CTNND2: variants seen among roughly 807,000 people sequenced by gnomAD.
The protein encoded by CTNND2 is catenin delta-2.
In CTNND2, 22 loss-of-function variants were observed where a neutral mutation model predicts 144.4. That is an observed-to-expected ratio of 0.15 (90% CI 0.11 to 0.22). The LOEUF (loss-of-function observed/expected upper bound fraction) is 0.22. CTNND2 is among the 10% of genes least tolerant of loss of function. The pLI, the probability that CTNND2 is intolerant of heterozygous loss-of-function variation, is 1.00. For synonymous variants in CTNND2, 751 were observed against 695.6 expected (o/e 1.08, Z -1.25); for missense variants, 1,353 against 1,618.8 (o/e 0.84, Z 2.82).
At chr5:11,630,012 T>C (rs1015684844) in intron 2 of CTNND2, among the ~76,000 whole-genome samples, 2 of 152,208 alleles carry the variant, frequency 1.3e-5, no homozygotes, top group East Asian at 1.9e-4. Flanking sequence ...GCATATTTAA[T>C]ATATGTTTCT....
chr5:11,083,648 A>C (rs61755759), intron 15 of CTNND2, among the ~76,000 whole-genome samples: 1 of 152,240 alleles, frequency 6.6e-6, no homozygotes, highest in Admixed American at 6.5e-5. Flanking sequence ...TGTATGATGT[A>C]TACTCTTCTA....
chr5:10,972,942 T>G lies in CTNND2; in HGVS notation c.*511A>C, dbSNP rs1735987985. ...CGCGCTTTTCTTCTTTAATCTGTAATGTACATCAAATACTTTACAACAATG... is the reference window on the plus strand; with the variant it reads ...CGCGCTTTTCTTCTTTAATCTGTAAGGTACATCAAATACTTTACAACAATG... On this transcript the variant is annotated 3_prime_UTR_variant, in exon 22 of 22. Transcript: ENST00000304623. 2 of 152,822 alleles carry G rather than the reference T, an allele frequency of 1.3e-5. No individual in the cohort carries two copies. Among genetic ancestry groups the G allele is most frequent in the Non-Finnish European group, 2.9e-5 (2 of 68,166 alleles). 9.5% of individuals were successfully genotyped at this position (152,822 alleles called of 1,614,324 possible). A position where few individuals can be genotyped will look rare whatever the true frequency, so the allele number is the denominator to read the frequency against.
intron 3 of CTNND2, among the ~76,000 whole-genome samples, chr5:11,549,690 A>C (rs1775593230): frequency 6.6e-6 from 1 of 152,190 alleles, no homozygotes; most frequent in Admixed American, 6.5e-5. Flanking sequence ...TTGGTAGTAG[A>C]ATATAGACCC....
intron 3 of CTNND2, among the ~76,000 whole-genome samples, chr5:11,466,034 G>A (rs956762956): frequency 6.6e-6 from 1 of 152,072 alleles, no homozygotes; most frequent in African/African-American, 2.4e-5. Flanking sequence ...GAAGAGGTGG[G>A]GTTTTCACTC....
chr5:11,568,477 C>A lies in CTNND2; in HGVS notation c.175-3421G>T, dbSNP rs377357231. Among the ~76,000 whole-genome samples, 3 of 152,282 alleles carry A rather than the reference C, an allele frequency of 2.0e-5. No homozygotes were observed. The East Asian group carries it at 5.8e-4, about 29-fold the overall frequency. On this transcript the variant is annotated intron_variant, in intron 2 of 21. Transcript: ENST00000304623. The stretch of plus-strand genomic sequence containing the variant: ...GCTAGGATCTGTCAAGATGTAACCA[C>A]CCTGAACTGGAATGGTATTCTCTTT...
intron 3 of CTNND2, among the ~76,000 whole-genome samples, chr5:11,447,596 A>G (rs758292516): frequency 6.6e-6 from 1 of 152,206 alleles, no homozygotes. Flanking sequence ...ATGGCCCTGG[A>G]GGCCACCTGC....
At chr5:11,546,422 G>T (rs1345330167) in intron 3 of CTNND2, among the ~76,000 whole-genome samples, 1 of 151,832 alleles carries the variant, frequency 6.6e-6, no homozygotes. Flanking sequence ...AACAAAAATT[G>T]TAAGATTTTT....
At position 11,049,825 on chromosome 5, in the gene CTNND2, G is replaced by T. The variant is rs112011366; in HGVS notation, c.2789-26846C>A. Among the ~76,000 whole-genome samples, 168 of 152,274 alleles carry T rather than the reference G, an allele frequency of 1.1e-3. 1 individual carries two copies. The highest frequency in any genetic ancestry group is 2.9e-3 in the African/African-American group (121 of 41,566). On this transcript the variant is annotated intron_variant, in intron 16 of 21. Coordinates refer to ENST00000304623, the MANE Select transcript of CTNND2 (RefSeq NM_001332.4). ...AAATATCTCACCATTTATACCTCCTGGGAGTTAGTAGTTTCATTTAAATAC... is the reference window on the plus strand; with the variant it reads ...AAATATCTCACCATTTATACCTCCTTGGAGTTAGTAGTTTCATTTAAATAC...
chr5:11,215,182 T>C (rs563402383), intron 10 of CTNND2, among the ~76,000 whole-genome samples: 12 of 152,324 alleles, frequency 7.9e-5, no homozygotes, highest in Non-Finnish European at 1.6e-4. Context: ...AGAAGTATCA[T>C]ATATCAAGCA....
At chr5:11,158,233 T>C (rs1019433466) in intron 12 of CTNND2, among the ~76,000 whole-genome samples, 2 of 152,112 alleles carry the variant, frequency 1.3e-5, no homozygotes, top group African/African-American at 4.8e-5. Flanking sequence ...CACTTTTAAA[T>C]AGTTGTGAAT....
At chr5:11,563,190 G>T (rs1474249663) in intron 3 of CTNND2, among the ~76,000 whole-genome samples, 1 of 152,186 alleles carries the variant, frequency 6.6e-6, no homozygotes, top group Non-Finnish European at 1.5e-5. Context: ...TCAGGGGCTG[G>T]AGTTGCATGA....
chr5:11,599,235 C>G (rs1027701561), intron 2 of CTNND2, among the ~76,000 whole-genome samples: 12 of 152,070 alleles, frequency 7.9e-5, no homozygotes, highest in African/African-American at 2.7e-4. Context: ...TCTAGAGCAA[C>G]ATCAAAAATG....
intron 2 of CTNND2, among the ~76,000 whole-genome samples, chr5:11,724,075 A>C (rs1786865584): frequency 6.6e-6 from 1 of 152,028 alleles, no homozygotes; most frequent in African/African-American, 2.4e-5. Flanking sequence ...AAAGTATTAC[A>C]GTTATGCAGT....
At chr5:11,337,269 C>T (rs1753827024) in intron 9 of CTNND2, among the ~76,000 whole-genome samples, 1 of 152,202 alleles carries the variant, frequency 6.6e-6, no homozygotes, top group Non-Finnish European at 1.5e-5. Flanking sequence ...CACTCTAATT[C>T]TCCATGAGAT....
At chr5:11,824,017 C>T (rs902910599) in intron 1 of CTNND2, among the ~76,000 whole-genome samples, 6 of 146,744 alleles carry the variant, frequency 4.1e-5, no homozygotes, top group Non-Finnish European at 5.9e-5. Flanking sequence ...GTAGGGGAAT[C>T]GCTTGAACCG....
At chr5:11,118,676 T>C (rs1753792952) in intron 12 of CTNND2, among the ~76,000 whole-genome samples, 1 of 152,182 alleles carries the variant, frequency 6.6e-6, no homozygotes, top group Admixed American at 6.5e-5. Flanking sequence ...GGGGCAGCCA[T>C]GAGGCAGATC....
At chr5:11,698,804 G>A (rs1785259907) in intron 2 of CTNND2, among the ~76,000 whole-genome samples, 1 of 151,876 alleles carries the variant, frequency 6.6e-6, no homozygotes, top group African/African-American at 2.4e-5. Context: ...GAATTGTCCA[G>A]TTCAATCCAT....
intron 3 of CTNND2, among the ~76,000 whole-genome samples, chr5:11,451,494 T>A (rs1172335518): frequency 6.6e-6 from 1 of 152,226 alleles, no homozygotes; most frequent in Non-Finnish European, 1.5e-5. Context: ...GCTCTAAAAT[T>A]TGAAATGATG....
intron 1 of CTNND2, among the ~76,000 whole-genome samples, chr5:11,753,739 A>G (rs1343626477): frequency 6.6e-6 from 1 of 151,888 alleles, no homozygotes; most frequent in East Asian, 1.9e-4. Context: ...TAGTTTCAGT[A>G]GGATTGGTAC....
Sources: gnomAD v4.1 joint callset for allele counts (sites outside exome capture counted in the v4.1 genomes callset) on GRCh38, gnomAD v4.1.1 for gene constraint, MANE v1.5 for transcripts, NCBI Gene and HGNC (gene_info 2026-07-23, HGNC 2026-07-21) for gene names.